The following NAMPT variants were observed in gnomAD, a reference collection of about 807,000 sequenced individuals.
The protein encoded by NAMPT is NAmPRTase.
Under a neutral mutation model 58.7 loss-of-function variants are expected in NAMPT, and 7 were observed. That is an observed-to-expected ratio of 0.12 (90% CI 0.07 to 0.22). The LOEUF is 0.22. NAMPT is among the 10% of genes least tolerant of loss of function. The probability of loss-of-function intolerance (pLI) is 1.00; values close to 1 mark genes in which losing one functional copy is unlikely to be tolerated. For synonymous variants in NAMPT, 145 were observed against 198.1 expected, an observed-to-expected ratio of 0.73 and a Z score of 2.25; for missense variants, 271 against 567.9, an observed-to-expected ratio of 0.48 and a Z score of 5.31.
intron 1 of NAMPT, among the ~76,000 whole-genome samples, chr7:106,278,770 A>G (rs569593879): frequency 5.9e-5 from 9 of 152,344 alleles, no homozygotes; most frequent in Non-Finnish European, 1.3e-4. Flanking sequence ...TACAATGTAA[A>G]TAACTCCAAC....
At chr7:106,282,518 A>G (rs929132787) in intron 1 of NAMPT, among the ~76,000 whole-genome samples, 6 of 152,222 alleles carry the variant, frequency 3.9e-5, no homozygotes, top group African/African-American at 1.4e-4. Context: ...AACAAGAACC[A>G]CGATGAAAAT....
intron 1 of NAMPT, 41 bp downstream of exon 1, chr7:106,284,787 G>A (rs1445034628): frequency 1.7e-5 from 20 of 1,164,086 alleles, no homozygotes; most frequent in Non-Finnish European, 2.1e-5. Context: ...CGTCCCCAGC[G>A]CGCCCCGCTC....
chr7:106,257,621 C>A (rs2115736909), intron 8 of NAMPT, among the ~76,000 whole-genome samples: 1 of 140,518 alleles, frequency 7.1e-6, no homozygotes, highest in South Asian at 2.6e-4. Context: ...CAGACTGAGT[C>A]CCTGTCAAAA....
In NAMPT at chr7:106,275,757, A is replaced by G. The variant is rs79411191; in HGVS notation, c.215-708T>C. The stretch of plus-strand genomic sequence containing the variant: ...AACTCGTTTAAAGTATCTTGGGGCC[A>G]GGCGTGGTGGCTCATGTCTGTAATC... On this transcript the variant is annotated intron_variant, in intron 2 of 10. Coordinates refer to ENST00000222553, the MANE Select transcript of NAMPT (RefSeq NM_005746.3). 1,499 of 152,304 alleles carry G rather than the reference A, an allele frequency of 9.8e-3. 11 individuals are homozygous for G. The highest frequency in any genetic ancestry group is 0.015 in the Non-Finnish European group (1,046 of 68,020). The allele number at this position is 152,304 out of a possible 1,614,324, so 9.4% of individuals were successfully genotyped here. A position where few individuals can be genotyped will look rare whatever the true frequency, so the allele number is the denominator to read the frequency against.
chr7:106,263,047 C>A (rs944221207), intron 7 of NAMPT: 2 of 271,086 alleles, frequency 7.4e-6, no homozygotes, highest in South Asian at 5.2e-5. Flanking sequence ...AAAGGTCTAG[C>A]AGTGACTTAT....
intron 2 of NAMPT, 106 bp from the exon 3 acceptor site, chr7:106,275,155 T>G: frequency 4.7e-6 from 3 of 633,170 alleles, no homozygotes; most frequent in Non-Finnish European, 8.2e-6. Context: ...TTCTATGGAT[T>G]AAAAATATAA....
At chr7:106,269,415 T>TC in intron 4 of NAMPT, 103 bp from the exon 5 acceptor site, 1 of 1,051,110 alleles carries the variant, frequency 9.5e-7, no homozygotes, top group Non-Finnish European at 1.4e-6. Flanking sequence ...GTCCTGAACT[T>TC]CCATACTATT....
chr7:106,278,830 A>T (rs558424695), intron 1 of NAMPT, among the ~76,000 whole-genome samples: 1 of 152,336 alleles, frequency 6.6e-6, no homozygotes, highest in East Asian at 1.9e-4. Flanking sequence ...CACACGATGA[A>T]GTAAAACTTG....
intron 8 of NAMPT, among the ~76,000 whole-genome samples, chr7:106,255,405 A>G (rs767667179): frequency 2.0e-5 from 3 of 152,238 alleles, no homozygotes; most frequent in Non-Finnish European, 4.4e-5. Flanking sequence ...CAGAACTTTC[A>G]GAAGTTATTA....
intron 8 of NAMPT, among the ~76,000 whole-genome samples, chr7:106,255,937 CAA>C (rs1267337754): frequency 3.9e-5 from 6 of 152,100 alleles, no homozygotes; most frequent in Admixed American, 6.5e-5. Flanking sequence ...GAGGCAAAAA[CAA>C]AATGAGGAAA....
Position 106,249,481 on chromosome 7 carries a change from A to C in NAMPT, c.*1602T>G, listed in dbSNP as rs1792072292. 3.9e-5 allele frequency: 6 copies of C among 152,484 alleles called. No individual in the cohort carries two copies. The highest frequency in any genetic ancestry group is 3.3e-4 in the Admixed American group (5 of 15,252). The allele number at this position is 152,484 out of a possible 1,614,324, so 9.4% of individuals were successfully genotyped here. Reference sequence around the variant, plus strand: ...CCAGTATCGGATTCTTAAGTGAGAAAAAAGAAGACAAAAGAGGAAAATTCC... The same window carrying C: ...CCAGTATCGGATTCTTAAGTGAGAACAAAGAAGACAAAAGAGGAAAATTCC... On this transcript the variant is annotated 3_prime_UTR_variant, in exon 11 of 11. Transcript: ENST00000222553.
chr7:106,256,173 G>C (rs989755875), intron 8 of NAMPT, among the ~76,000 whole-genome samples: 3 of 152,166 alleles, frequency 2.0e-5, no homozygotes, highest in Admixed American at 1.3e-4. Context: ...AAGTTTCAAT[G>C]ATACCCAAGA....
At chr7:106,285,385 G>T, upstream of NAMPT, 1 of 451,878 alleles carries the variant, frequency 2.2e-6, no homozygotes, top group Non-Finnish European at 2.9e-6. Flanking sequence ...AGCTTTGCCA[G>T]TGCCACGAGG....
In NAMPT at chr7:106,248,442, ATACT is replaced by A. The variant is rs1792053359; in HGVS notation, c.*2637_*2640del. 1 of 152,552 alleles carries A rather than the reference ATACT, an allele frequency of 6.6e-6. No homozygotes were observed. The allele number at this position is 152,552 out of a possible 1,614,324, so 9.4% of individuals were successfully genotyped here. On this transcript the variant is annotated 3_prime_UTR_variant, in exon 11 of 11. Coordinates refer to ENST00000222553, the MANE Select transcript of NAMPT (RefSeq NM_005746.3). The stretch of plus-strand genomic sequence containing the variant: ...TTAAAAAGGAATGTAAAACTACAAA[ATACT>A]TAAGTGTGAGTTCTAAATTATGGCA...
intron 4 of NAMPT, 43 bp from the exon 5 acceptor site, chr7:106,269,355 CT>C (rs753899402): frequency 6.5e-7 from 1 of 1,537,656 alleles, no homozygotes; most frequent in South Asian, 1.2e-5. Context: ...ACATAAAATA[CT>C]GCATTCTTTC....
At chr7:106,269,419 T>C (rs1792487863) in intron 4 of NAMPT, 107 bp from the exon 5 acceptor site, 4 of 988,236 alleles carry the variant, frequency 4.0e-6, no homozygotes, top group South Asian at 3.3e-5. Flanking sequence ...TGAACTTCCA[T>C]ACTATTAACT....
At chr7:106,269,508 A>C (rs1346058631) in intron 4 of NAMPT, among the ~76,000 whole-genome samples, 196 bp from the exon 5 acceptor site, 1 of 152,172 alleles carries the variant, frequency 6.6e-6, no homozygotes, top group Non-Finnish European at 1.5e-5. Context: ...AATCAGCAAC[A>C]AAGAAGATAA....
chr7:106,281,740 A>T (rs1361561736), intron 1 of NAMPT, among the ~76,000 whole-genome samples: 1 of 152,188 alleles, frequency 6.6e-6, no homozygotes. Flanking sequence ...CTCACTCATA[A>T]ACATGACTTA....
At chr7:106,266,613 A>C (rs527741273) in intron 6 of NAMPT, among the ~76,000 whole-genome samples, 10 of 152,204 alleles carry the variant, frequency 6.6e-5, no homozygotes, top group Non-Finnish European at 1.3e-4. Flanking sequence ...AACTTTGAGC[A>C]ATTTTATCTC....
Sources: gnomAD v4.1 joint callset for allele counts (sites outside exome capture counted in the v4.1 genomes callset) on GRCh38, gnomAD v4.1.1 for gene constraint, MANE v1.5 for transcripts, NCBI Gene and HGNC (gene_info 2026-07-23, HGNC 2026-07-21) for gene names.